The following DAB2IP variants were observed in gnomAD, a reference collection of about 807,000 sequenced individuals.
DAB2IP encodes DAB2 interacting protein, also known as disabled homolog 2-interacting protein.
In DAB2IP, 28 loss-of-function variants were observed where a neutral mutation model predicts 107.2. The ratio of observed to expected loss-of-function variants is 0.26; its 90% CI spans 0.19 to 0.36. The LOEUF is 0.36. Ranked by LOEUF, DAB2IP falls within the 10% of genes least tolerant of loss-of-function variation. The pLI is 1.00. For synonymous variants in DAB2IP, 755 were observed against 706.4 expected (o/e 1.07, Z -1.09); for missense variants, 1,400 against 1,644.7 (o/e 0.85, Z 2.57).
intron 3 of DAB2IP, chr9:121,743,048 G>A: frequency 1.0e-6 from 1 of 954,836 alleles, no homozygotes; most frequent in Non-Finnish European, 1.2e-6. Flanking sequence ...GGAGCAGGTG[G>A]GAGGAATACT....
At chr9:121,750,084 G>A (rs1041919783) in intron 3 of DAB2IP, among the ~76,000 whole-genome samples, 6 of 152,130 alleles carry the variant, frequency 3.9e-5, no homozygotes, top group African/African-American at 1.2e-4. Context: ...TGAGCCTCCC[G>A]CCTGCATGGT....
intron 8 of DAB2IP, among the ~76,000 whole-genome samples, chr9:121,765,868 ACCTCCCTTTC>A (rs984782038): frequency 5.3e-5 from 8 of 151,756 alleles, no homozygotes; most frequent in African/African-American, 1.9e-4. Flanking sequence ...GGCAGTCACT[ACCTCCCTTTC>A]CCTCCCCATG....
chr9:121,718,061 G>A (rs991741010), intron 3 of DAB2IP, among the ~76,000 whole-genome samples: 84 of 152,342 alleles, frequency 5.5e-4, no homozygotes, highest in African/African-American at 1.9e-3. Context: ...CCAGGCTCTT[G>A]GTGGGGAGGC....
Position 121,739,140 on chromosome 9 carries a change from C to T in DAB2IP, c.363-17873C>T, listed in dbSNP as rs937505460. On this transcript the variant is annotated intron_variant, in intron 3 of 15. Transcript: ENST00000408936. Reference sequence around the variant, plus strand: ...GTGTTCCACTAGGGAGTAATGGGGGCAGGGCAGGACCTGTTGTAGATGGAG... The same window carrying T: ...GTGTTCCACTAGGGAGTAATGGGGGTAGGGCAGGACCTGTTGTAGATGGAG... Among the ~76,000 whole-genome samples the T allele has an allele frequency of 3.3e-5, 5 of 152,204 alleles. No individual in the cohort carries two copies. The South Asian group carries it at 1.0e-3, about 31-fold the overall frequency.
Position 121,645,953 on chromosome 9 carries a change from G to A in DAB2IP, c.41-32725G>A, listed in dbSNP as rs547364897. The stretch of plus-strand genomic sequence containing the variant: ...GAGCTGTCTCATCTCCATTTAACAC[G>A]TGGAAACCTGAGACCCAGAGGTATC... On this transcript the variant is annotated intron_variant, in intron 1 of 16. Coordinates refer to the DAB2IP transcript ENST00000259371. Among the ~76,000 whole-genome samples, 12 of 152,234 alleles carry A rather than the reference G, an allele frequency of 7.9e-5. No homozygotes were observed. The South Asian group carries it at 2.1e-3, about 26-fold the overall frequency.
intron 1 of DAB2IP, among the ~76,000 whole-genome samples, chr9:121,670,835 G>C (rs1833649919): frequency 6.6e-6 from 1 of 152,096 alleles, no homozygotes; most frequent in Admixed American, 6.6e-5. Context: ...TAGCCAAAAT[G>C]GTGAAGCCCC....
At chr9:121,724,321 A>T (rs57011833) in intron 3 of DAB2IP, among the ~76,000 whole-genome samples, 1 of 150,236 alleles carries the variant, frequency 6.7e-6, no homozygotes, top group Admixed American at 6.7e-5. Context: ...GTGCTCCAGC[A>T]TACATCTTTG....
chr9:121,750,589 C>G (rs1189926840), intron 3 of DAB2IP, among the ~76,000 whole-genome samples: 1 of 152,186 alleles, frequency 6.6e-6, no homozygotes, highest in African/African-American at 2.4e-5. Context: ...GGGCAGCTCC[C>G]TCTGAGCTTT....
chr9:121,734,081 C>T (rs1831715079), intron 3 of DAB2IP, among the ~76,000 whole-genome samples: 1 of 152,142 alleles, frequency 6.6e-6, no homozygotes, highest in South Asian at 2.1e-4. Flanking sequence ...TTATGTGTTA[C>T]TAAAGATGTT....
intron 3 of DAB2IP, among the ~76,000 whole-genome samples, chr9:121,700,113 T>G (rs902573063): frequency 1.3e-5 from 2 of 152,118 alleles, no homozygotes; most frequent in African/African-American, 4.8e-5. Flanking sequence ...GCTGCTTCTC[T>G]CCTTCCCTCA....
At chr9:121,784,076 G>A (rs116359921) in exon 16 of DAB2IP, 1,776 of 163,708 alleles carry the variant, frequency 0.011, 31 homozygotes, top group African/African-American at 0.039. Context: ...CCCTGAGCTC[G>A]GGGACAGGTG....
chr9:121,766,563 G>A (rs372045771), exon 9 of DAB2IP: 18 of 1,613,416 alleles, frequency 1.1e-5, no homozygotes, highest in African/African-American at 9.3e-5. Flanking sequence ...GCGGCCGCCC[G>A]GACATCAGTG....
intron 2 of DAB2IP, among the ~76,000 whole-genome samples, chr9:121,692,604 C>T (rs80355933): frequency 9.8e-5 from 15 of 152,318 alleles, no homozygotes; most frequent in Middle Eastern, 3.4e-3. Context: ...AGTCTGGCTA[C>T]CTTCTCCAGG....
chr9:121,585,946 A>G lies in DAB2IP; in HGVS notation c.40+18718A>G, dbSNP rs191774584. The stretch of plus-strand genomic sequence containing the variant: ...ATCTAACTTGACCCGATCCTAACCC[A>G]TCAGTGGCTTCCAGTCATTCCTCTG... On this transcript the variant is annotated intron_variant, in intron 1 of 16. Transcript: ENST00000259371. 2.5e-3 allele frequency among the ~76,000 whole-genome samples: 385 copies of G among 152,278 alleles called. 1 individual carries two copies. Among genetic ancestry groups the G allele is most frequent in the African/African-American group, 8.9e-3 (370 of 41,550 alleles).
intron 3 of DAB2IP, among the ~76,000 whole-genome samples, chr9:121,727,441 T>G (rs1473602614): frequency 6.6e-6 from 1 of 152,252 alleles, no homozygotes; most frequent in African/African-American, 2.4e-5. Context: ...GGCGCCAGCG[T>G]GCCTTAGCAT....
chr9:121,619,671 T>C lies in DAB2IP; in HGVS notation c.40+52443T>C, dbSNP rs577170993. ...GTTGGGACTTGGTAAGAATTGCAAA[T>C]GTCCTTACACTTGGGTGGAGTATGT... On this transcript the variant is annotated intron_variant, in intron 1 of 16. Transcript: ENST00000259371. Among the ~76,000 whole-genome samples, 23 of 152,308 alleles carry C rather than the reference T, an allele frequency of 1.5e-4. No homozygotes were observed. In the South Asian group the frequency reaches 4.3e-3, roughly 29 times the overall value.
intron 1 of DAB2IP, among the ~76,000 whole-genome samples, chr9:121,656,808 C>T (rs906344323): frequency 6.6e-6 from 1 of 152,206 alleles, no homozygotes; most frequent in Non-Finnish European, 1.5e-5. Flanking sequence ...GACTGTAGCC[C>T]AGAGAATGAA....
At chr9:121,751,132 CT>C in intron 3 of DAB2IP, 1 of 232,630 alleles carries the variant, frequency 4.3e-6, no homozygotes, top group Non-Finnish European at 8.5e-6. Context: ...TGCTGTGGAC[CT>C]TTCCCTGCTG....
chr9:121,611,511 C>A (rs907205351), intron 1 of DAB2IP, among the ~76,000 whole-genome samples: 6 of 152,210 alleles, frequency 3.9e-5, no homozygotes, highest in African/African-American at 1.4e-4. Context: ...TATCTTATTT[C>A]TCTGATCCTC....
Sources: gnomAD v4.1 joint callset for allele counts (sites outside exome capture counted in the v4.1 genomes callset) on GRCh38, gnomAD v4.1.1 for gene constraint, MANE v1.5 for transcripts, NCBI Gene and HGNC (gene_info 2026-07-23, HGNC 2026-07-21) for gene names.